Variants in SORCS2 observed in about 807,000 individuals in gnomAD.
The protein encoded by SORCS2 is VPS10 domain-containing receptor SorCS2.
SORCS2 carries 100 observed loss-of-function variants against 141.6 expected under a neutral mutation model. The observed-to-expected ratio is 0.71, with a 90% confidence interval of 0.60 to 0.83. The LOEUF (loss-of-function observed/expected upper bound fraction) is 0.83. SORCS2 is among the 40% of genes least tolerant of loss of function. The pLI is 0.00. For missense variants in SORCS2, 1,646 were observed against 1,560.2 expected (o/e 1.05, Z -0.93); for synonymous variants, 789 against 676.9 (o/e 1.17, Z -2.57).
intron 3 of SORCS2, among the ~76,000 whole-genome samples, chr4:7,609,551 A>T (rs1313560656): frequency 6.6e-6 from 1 of 152,210 alleles, no homozygotes; most frequent in African/African-American, 2.4e-5. Flanking sequence ...CATGTGAGAA[A>T]GGTTTTCCTC....
rs141302627 is a variant in SORCS2 at position 7,405,030 on chromosome 4, T to G, written c.548+8675T>G. On this transcript the variant is annotated intron_variant, in intron 2 of 26. Coordinates refer to ENST00000507866, the MANE Select transcript of SORCS2 (RefSeq NM_020777.3). ...TTAATCCATCTTGAGTTGATTTTTG[T>G]ATATGGTGAGAGATAGGGGTCCGTT... Among the ~76,000 whole-genome samples the G allele has an allele frequency of 6.0e-3, 907 of 152,308 alleles. 8 individuals are homozygous for G. The highest frequency in any genetic ancestry group is 0.021 in the African/African-American group (862 of 41,566).
intron 1 of SORCS2, among the ~76,000 whole-genome samples, chr4:7,384,681 C>T (rs2109077547): frequency 6.6e-6 from 1 of 152,310 alleles, no homozygotes; most frequent in South Asian, 2.1e-4. Flanking sequence ...TCTGGGTTCC[C>T]ACCTCCTTCC....
intron 7 of SORCS2, among the ~76,000 whole-genome samples, chr4:7,666,156 G>T (rs900748733): frequency 6.6e-6 from 1 of 152,108 alleles, no homozygotes; most frequent in Non-Finnish European, 1.5e-5. Flanking sequence ...GCAGGAGCCG[G>T]GCAGTAAAGC....
At chr4:7,252,980 C>A (rs1037339626) in intron 1 of SORCS2, among the ~76,000 whole-genome samples, 35 of 152,262 alleles carry the variant, frequency 2.3e-4, no homozygotes, top group Non-Finnish European at 4.9e-4. Context: ...TGTCCCAGCT[C>A]AGAGCCAGCA....
chr4:7,723,705 C>T lies in SORCS2; in HGVS notation c.2433C>T (p.Val811=), dbSNP rs1316529272. The T allele has an allele frequency of 4.3e-6, 7 of 1,613,960 alleles. No individual in the cohort carries two copies. In the Admixed American group the frequency reaches 5.0e-5, roughly 12 times the overall value. The stretch of plus-strand genomic sequence containing the variant: ...ATGGTGTTTCTCTGCAGGGTGATGT[C>T]CTGACTACCAAGTACCAGGTAGACC... The part of the protein sequence containing the change: ...LFVVRQEQGD[V]LTTKYQVDLG... The change falls in exon 19 of 27, where the codon GTC becomes GTT. Residue 811 remains valine, a synonymous_variant. Coordinates refer to ENST00000507866, the MANE Select transcript of SORCS2 (RefSeq NM_020777.3).
chr4:7,311,153 C>T (rs1718158280), intron 1 of SORCS2, among the ~76,000 whole-genome samples: 1 of 152,138 alleles, frequency 6.6e-6, no homozygotes, highest in African/African-American at 2.4e-5. Context: ...ATCAGTTGGC[C>T]TTTCCTAGAA....
intron 1 of SORCS2, among the ~76,000 whole-genome samples, chr4:7,264,510 A>G (rs1714584626): frequency 6.6e-6 from 1 of 152,130 alleles, no homozygotes; most frequent in African/African-American, 2.4e-5. Flanking sequence ...ACCACCGGCT[A>G]TCCACAGGAA....
intron 3 of SORCS2, among the ~76,000 whole-genome samples, chr4:7,573,458 TA>T (rs1240412856): frequency 6.6e-6 from 1 of 152,224 alleles, no homozygotes; most frequent in Non-Finnish European, 1.5e-5. Context: ...TCAGATAAAA[TA>T]GAGGCATAAA....
rs1342178151 is a variant in SORCS2 at position 7,648,340 on chromosome 4, CA to C, written c.814-5793del. 9.9e-5 allele frequency among the ~76,000 whole-genome samples: 15 copies of C among 152,174 alleles called. No homozygotes were observed. Among genetic ancestry groups the C allele is most frequent in the African/African-American group, 3.6e-4 (15 of 41,504 alleles). ...AGGGTGTCAAGGAGTCAGGGGTCAT[CA>C]GGGCAGAAATGGGGACTGAGTCACT... On this transcript the variant is annotated intron_variant, in intron 4 of 26. Transcript: ENST00000507866. This position sits in a 1 kb window ranked among gnomAD's most constrained non-coding sequence, Gnocchi z 4.2.
At chr4:7,288,390 G>A (rs533847830) in intron 1 of SORCS2, among the ~76,000 whole-genome samples, 1 of 152,008 alleles carries the variant, frequency 6.6e-6, no homozygotes, top group East Asian at 1.9e-4. Context: ...TTGTCAACTG[G>A]GGCTGCTGTA....
intron 11 of SORCS2, among the ~76,000 whole-genome samples, 172 bp downstream of exon 11, chr4:7,689,760 G>A (rs115513267): frequency 0.012 from 1,805 of 152,390 alleles, 40 homozygotes; most frequent in African/African-American, 0.041. Flanking sequence ...TCCGAGAAAT[G>A]AATGCATGGC....
At chr4:7,590,539 G>A (rs1321526332) in intron 3 of SORCS2, among the ~76,000 whole-genome samples, 1 of 152,208 alleles carries the variant, frequency 6.6e-6, no homozygotes, top group East Asian at 1.9e-4. Flanking sequence ...GTGTCAGGCA[G>A]CATTCTCATG....
rs986648157 is a variant in SORCS2 at position 7,338,316 on chromosome 4, C to T, written c.481-57972C>T. Reference sequence around the variant, plus strand: ...GATGGATGGATGGATGGATGGATGTCGGTTGGATGGAAGGATGGCTGGCTG... The same window carrying T: ...GATGGATGGATGGATGGATGGATGTTGGTTGGATGGAAGGATGGCTGGCTG... On this transcript the variant is annotated intron_variant, in intron 1 of 26. Coordinates refer to ENST00000507866, the MANE Select transcript of SORCS2 (RefSeq NM_020777.3). Among the ~76,000 whole-genome samples the T allele has an allele frequency of 2.1e-4, 29 of 136,660 alleles. 1 individual carries two copies. The highest frequency in any genetic ancestry group is 5.4e-4 in the African/African-American group (19 of 35,106). 89.7% of individuals were successfully genotyped at this position (136,660 alleles called of 152,430 possible). A position where few individuals can be genotyped will look rare whatever the true frequency, so the allele number is the denominator to read the frequency against.
In SORCS2 at chr4:7,552,372, G is replaced by A. The variant is rs1400204317; in HGVS notation, c.648+20743G>A. 3.3e-5 allele frequency among the ~76,000 whole-genome samples: 5 copies of A among 152,140 alleles called. No homozygotes were observed. In the East Asian group the frequency reaches 9.7e-4, roughly 29 times the overall value. The stretch of plus-strand genomic sequence containing the variant: ...CCAGCACTTTCAGCAGGGCAAAGAG[G>A]GTGGCTTGGCCCTAAAATCTGGACC... On this transcript the variant is annotated intron_variant, in intron 3 of 26. Coordinates refer to ENST00000507866, the MANE Select transcript of SORCS2 (RefSeq NM_020777.3).
At chr4:7,681,953 G>C (rs575373459) in intron 9 of SORCS2, among the ~76,000 whole-genome samples, 1 of 152,132 alleles carries the variant, frequency 6.6e-6, no homozygotes. Context: ...GGGCATTCCC[G>C]TGCCTCTTCA....
chr4:7,340,083 C>T (rs1319102548), intron 1 of SORCS2, among the ~76,000 whole-genome samples: 1 of 152,208 alleles, frequency 6.6e-6, no homozygotes, highest in African/African-American at 2.4e-5. Flanking sequence ...GGCTGCCAGG[C>T]CGCATGTTCA....
chr4:7,344,577 G>T (rs1165388666), intron 1 of SORCS2, among the ~76,000 whole-genome samples: 1 of 152,268 alleles, frequency 6.6e-6, no homozygotes, highest in African/African-American at 2.4e-5. Flanking sequence ...GAGTAGGGCA[G>T]TGGGGAGTTT....
chr4:7,600,648 T>C (rs1184381687), intron 3 of SORCS2, among the ~76,000 whole-genome samples: 1 of 92,766 alleles, frequency 1.1e-5, no homozygotes, highest in Non-Finnish European at 2.0e-5. Context: ...ACGATATACA[T>C]ATATATATAC....
At chr4:7,704,618 C>T (rs1386615472) in intron 14 of SORCS2, among the ~76,000 whole-genome samples, 1 of 152,228 alleles carries the variant, frequency 6.6e-6, no homozygotes, top group Non-Finnish European at 1.5e-5. Flanking sequence ...TCACCCATCC[C>T]GGGGTCTGAG....
Sources: gnomAD v4.1 joint callset for allele counts (sites outside exome capture counted in the v4.1 genomes callset) on GRCh38, gnomAD v4.1.1 for gene constraint, Gnocchi (gnomAD v3.1) non-coding constraint, MANE v1.5 for transcripts, NCBI Gene and HGNC (gene_info 2026-07-23, HGNC 2026-07-21) for gene names.